Variants in SYT1 observed in about 807,000 individuals in gnomAD.
The protein encoded by SYT1 is synaptotagmin-1.
In SYT1, 8 loss-of-function variants were observed where a neutral mutation model predicts 44.8. That is an observed-to-expected ratio of 0.18 (90% CI 0.10 to 0.32). The LOEUF (loss-of-function observed/expected upper bound fraction) is 0.32. Ranked by LOEUF, SYT1 falls within the 10% of genes least tolerant of loss-of-function variation. The pLI is 1.00. For missense variants in SYT1, 286 were observed against 509.3 expected, an observed-to-expected ratio of 0.56 and a Z score of 4.22; for synonymous variants, 154 against 188.8, an observed-to-expected ratio of 0.82 and a Z score of 1.51.
intron 2 of SYT1, among the ~76,000 whole-genome samples, chr12:79,011,624 C>A: frequency 6.7e-6 from 1 of 148,356 alleles, no homozygotes; most frequent in Non-Finnish European, 1.5e-5. Context: ...ACAATAGCTG[C>A]CAATTTTGCT....
intron 3 of SYT1, among the ~76,000 whole-genome samples, chr12:79,055,231 T>C (rs1025534522): frequency 4.9e-4 from 74 of 152,140 alleles, no homozygotes; most frequent in African/African-American, 1.6e-3. Flanking sequence ...AATTAGTTGA[T>C]AGAATTCAGT....
At chr12:78,957,453 A>G (rs1235681819) in intron 1 of SYT1, among the ~76,000 whole-genome samples, 2 of 152,180 alleles carry the variant, frequency 1.3e-5, no homozygotes, top group Non-Finnish European at 2.9e-5. Context: ...ACGTTCAAAC[A>G]TTAAGCATAA....
intron 8 of SYT1, among the ~76,000 whole-genome samples, chr12:79,348,958 GAAAAGAAAGA>G (rs1253820925): frequency 7.1e-6 from 1 of 141,012 alleles, no homozygotes; most frequent in Admixed American, 7.1e-5. Flanking sequence ...AAGAAAAAAA[GAAAAGAAAGA>G]AAAAGAAAGA....
intron 9 of SYT1, among the ~76,000 whole-genome samples, chr12:79,387,609 A>C (rs1278844631): frequency 6.6e-6 from 1 of 152,244 alleles, no homozygotes; most frequent in Non-Finnish European, 1.5e-5. Context: ...TCAAATATGA[A>C]GCTATTTAAA....
chr12:78,968,163 A>G (rs1211455769), intron 1 of SYT1, among the ~76,000 whole-genome samples: 1 of 152,152 alleles, frequency 6.6e-6, no homozygotes, highest in Non-Finnish European at 1.5e-5. Flanking sequence ...TGGAATTAAT[A>G]TTTTGACTCA....
At chr12:79,336,951 C>T (rs753087607) in intron 8 of SYT1, among the ~76,000 whole-genome samples, 5 of 152,050 alleles carry the variant, frequency 3.3e-5, no homozygotes, top group Non-Finnish European at 5.9e-5. Context: ...TTTGGGAGTA[C>T]AGCATGAGCC....
intron 1 of SYT1, among the ~76,000 whole-genome samples, chr12:78,951,914 C>G (rs1016117751): frequency 3.9e-5 from 6 of 152,104 alleles, no homozygotes; most frequent in Non-Finnish European, 8.8e-5. Flanking sequence ...AATGACCACA[C>G]TCAGCAAGCT....
At chr12:79,050,882 C>A (rs188667200) in intron 3 of SYT1, among the ~76,000 whole-genome samples, 70 of 152,020 alleles carry the variant, frequency 4.6e-4, no homozygotes, top group Non-Finnish European at 8.5e-4. Flanking sequence ...AAAGCATAAG[C>A]CTGTGAGTGT....
chr12:79,390,338 G>A (rs996301145), intron 9 of SYT1, among the ~76,000 whole-genome samples: 1 of 152,166 alleles, frequency 6.6e-6, no homozygotes, highest in Middle Eastern at 3.4e-3. Context: ...TAACATTTCT[G>A]GGTCAAACGA....
chr12:79,291,237 T>C (rs1270712479), intron 5 of SYT1, among the ~76,000 whole-genome samples: 1 of 152,226 alleles, frequency 6.6e-6, no homozygotes, highest in Non-Finnish European at 1.5e-5. Flanking sequence ...TTCAATACAA[T>C]TGATTTTGTT....
At chr12:78,950,001 T>G (rs951601488) in intron 1 of SYT1, among the ~76,000 whole-genome samples, 4 of 148,622 alleles carry the variant, frequency 2.7e-5, no homozygotes, top group African/African-American at 9.7e-5. Context: ...TATTTTAGCA[T>G]TTTTCTGTTA....
chr12:78,990,254 A>G (rs1040712277), intron 2 of SYT1, among the ~76,000 whole-genome samples: 4 of 152,148 alleles, frequency 2.6e-5, no homozygotes, highest in Non-Finnish European at 5.9e-5. Flanking sequence ...CCGATATACC[A>G]ACCAGGTGCT....
rs760272677 is a variant in SYT1, at chr12:79,449,731, C to G, written c.*607C>G. The G allele has an allele frequency of 6.6e-6, 1 of 152,412 alleles. No homozygotes were observed. The highest frequency in any genetic ancestry group is 1.5e-5 in the Non-Finnish European group (1 of 68,222). The allele number at this position is 152,412 out of a possible 1,614,324, so 9.4% of individuals were successfully genotyped here. A position where few individuals can be genotyped will look rare whatever the true frequency, so the allele number is the denominator to read the frequency against. ...AATCCAATTTTGTAGAATTCCTACA[C>G]AGGCAAAATAGCATGATCTGAGCAG... On this transcript the variant is annotated 3_prime_UTR_variant, in exon 11 of 11. Coordinates refer to ENST00000261205, the MANE Select transcript of SYT1 (RefSeq NM_005639.3).
rs1490267611 is a variant in SYT1, at chr12:79,292,069, A to G, written c.413A>G (p.Lys138Arg). 3 of 1,614,110 alleles carry G rather than the reference A, an allele frequency of 1.9e-6. No individual in the cohort carries two copies. The highest frequency in any genetic ancestry group is 1.7e-5 in the Admixed American group (1 of 60,016). Residue 138 changes from lysine to arginine, a missense_variant, in exon 6 of 11, where the codon AAA becomes AGA. Coordinates refer to ENST00000261205, the MANE Select transcript of SYT1 (RefSeq NM_005639.3). The stretch of plus-strand genomic sequence containing the variant: ...GATGGAGAAGAAAAAGAAGAACCCA[A>G]AGAAGAGGAGAAACTGGGAAAACTT... The part of the protein sequence containing the change: ...LTDGEEKEEP[K>R]EEEKLGKLQY...
chr12:79,428,010 T>A (rs190796617), intron 9 of SYT1, among the ~76,000 whole-genome samples: 5 of 152,328 alleles, frequency 3.3e-5, no homozygotes, highest in African/African-American at 1.2e-4. Flanking sequence ...TTACAATGAA[T>A]GTTCAAAGTC....
intron 9 of SYT1, among the ~76,000 whole-genome samples, chr12:79,376,329 G>C (rs182371841): frequency 2.0e-5 from 3 of 152,328 alleles, no homozygotes; most frequent in Non-Finnish European, 4.4e-5. Flanking sequence ...GTCATTTCTT[G>C]ATGATATGCT....
chr12:79,313,940 C>A (rs1016607952), intron 8 of SYT1, among the ~76,000 whole-genome samples: 1 of 148,704 alleles, frequency 6.7e-6, no homozygotes, highest in African/African-American at 2.6e-5. Context: ...GAGGCCGAGG[C>A]GGGCGGATCA....
chr12:79,227,973 A>G lies in SYT1; in HGVS notation c.166+10288A>G, dbSNP rs181734031. On this transcript the variant is annotated intron_variant, in intron 4 of 10. Transcript: ENST00000261205. Reference sequence around the variant, plus strand: ...CATTGCATTCTTTAATCCCATTCCAATGATCTCTGTGTTAGAGAAGGTAAA... The same window carrying G: ...CATTGCATTCTTTAATCCCATTCCAGTGATCTCTGTGTTAGAGAAGGTAAA... Among the ~76,000 whole-genome samples, 78 of 151,944 alleles carry G rather than the reference A, an allele frequency of 5.1e-4. 2 individuals carry two copies. The highest frequency in any genetic ancestry group is 3.3e-4 in the Admixed American group (5 of 15,268).
intron 3 of SYT1, among the ~76,000 whole-genome samples, chr12:79,081,650 C>T (rs1360977744): frequency 6.6e-6 from 1 of 152,066 alleles, no homozygotes; most frequent in Non-Finnish European, 1.5e-5. Flanking sequence ...AAGTGCTGGG[C>T]TTACGGGTGT....
Sources: allele counts gnomAD v4.1 joint callset (sites outside exome capture counted in the v4.1 genomes callset), GRCh38; gene constraint gnomAD v4.1.1; transcripts MANE v1.5; gene names NCBI Gene and HGNC (gene_info 2026-07-23, HGNC 2026-07-21).